ARHGEF11: variants seen among roughly 807,000 people sequenced by gnomAD.
The protein encoded by ARHGEF11 is Rho guanine nucleotide exchange factor 11.
In ARHGEF11, 55 loss-of-function variants were observed where a neutral mutation model predicts 193.7. The ratio of observed to expected loss-of-function variants is 0.28; its 90% CI spans 0.23 to 0.36. The LOEUF (loss-of-function observed/expected upper bound fraction) is 0.36, where lower values mean the gene tolerates loss of function less well. Among genes scored for constraint, ARHGEF11 ranks in the 10% least tolerant of loss-of-function variants. ARHGEF11 has a pLI of 1.00. For synonymous variants in ARHGEF11, 693 were observed against 768.0 expected (o/e 0.90, Z 1.62); for missense variants, 1,723 against 2,005.6 (o/e 0.86, Z 2.69).
intron 6 of ARHGEF11, among the ~76,000 whole-genome samples, chr1:156,977,763 T>C (rs1663465111): frequency 6.6e-6 from 1 of 152,158 alleles, no homozygotes; most frequent in Non-Finnish European, 1.5e-5. Context: ...GAGTGGGCTC[T>C]ATATTTTGCA....
At chr1:156,941,297 C>A (rs757889841) in intron 35 of ARHGEF11, 75 bp downstream of exon 35, 46 of 1,440,014 alleles carry the variant, frequency 3.2e-5, no homozygotes, top group Non-Finnish European at 4.2e-5. Flanking sequence ...TCCCATCGCC[C>A]CCATACTCAC....
chr1:156,939,373 G>T, intron 37 of ARHGEF11, 175 bp downstream of exon 37: 1 of 832,322 alleles, frequency 1.2e-6, no homozygotes, highest in Non-Finnish European at 1.9e-6. Context: ...AATCTCGAAT[G>T]TCCAACTCCA....
At chr1:156,991,631 TTA>T (rs1397608155) in intron 1 of ARHGEF11, among the ~76,000 whole-genome samples, 1 of 150,982 alleles carries the variant, frequency 6.6e-6, no homozygotes, top group Non-Finnish European at 1.5e-5. Flanking sequence ...TAATCTGTTT[TTA>T]TGTTATCAAT....
intron 22 of ARHGEF11, among the ~76,000 whole-genome samples, chr1:156,950,248 C>A (rs1251475944): frequency 3.3e-5 from 5 of 152,116 alleles, no homozygotes; most frequent in Admixed American, 3.3e-4. Context: ...TCTTTTAACA[C>A]GTGTTAAGCT....
intron 11 of ARHGEF11, among the ~76,000 whole-genome samples, chr1:156,964,176 CTG>C (rs575470364): frequency 3.9e-4 from 59 of 152,326 alleles, no homozygotes; most frequent in African/African-American, 1.4e-3. Flanking sequence ...GCTCAAGAAT[CTG>C]TGTTAGATCC....
Position 156,972,132 on chromosome 1 carries a change from C to T in ARHGEF11, c.583-316G>A, listed in dbSNP as rs551640166. 1.1e-3 allele frequency among the ~76,000 whole-genome samples: 170 copies of T among 152,294 alleles called. 2 individuals are homozygous for T. Among genetic ancestry groups the T allele is most frequent in the Admixed American group, 2.9e-3 (44 of 15,294 alleles). On this transcript the variant is annotated intron_variant, in intron 7 of 40. Coordinates refer to ENST00000368194, the MANE Select transcript of ARHGEF11 (RefSeq NM_198236.3). The stretch of plus-strand genomic sequence containing the variant: ...AATGAGGCCTTCTTCAGCTACCACT[C>T]AAGTATGAAATATTTGATTGTCCAG...
intron 1 of ARHGEF11, among the ~76,000 whole-genome samples, chr1:157,020,412 C>T (rs932091011): frequency 9.2e-5 from 14 of 152,260 alleles, no homozygotes; most frequent in African/African-American, 3.4e-4. Flanking sequence ...CAGGTACTCG[C>T]TCTTTTTAGT....
intron 1 of ARHGEF11, among the ~76,000 whole-genome samples, chr1:157,005,202 T>G (rs546381903): frequency 6.6e-6 from 1 of 152,356 alleles, no homozygotes; most frequent in Non-Finnish European, 1.5e-5. Context: ...GCAGTGGATT[T>G]GCTCAGCTTG....
At chr1:156,956,293 T>G in intron 19 of ARHGEF11, 127 bp downstream of exon 19, 1 of 997,936 alleles carries the variant, frequency 1.0e-6, no homozygotes, top group South Asian at 1.5e-5. Flanking sequence ...ATTTTTGTAT[T>G]TTAATAGAGA....
chr1:157,023,241 T>C (rs1398992810), intron 1 of ARHGEF11, among the ~76,000 whole-genome samples: 1 of 152,218 alleles, frequency 6.6e-6, no homozygotes, highest in Non-Finnish European at 1.5e-5. Flanking sequence ...CATATGTCTC[T>C]GACAAGGGTC....
intron 1 of ARHGEF11, among the ~76,000 whole-genome samples, chr1:157,033,592 G>A (rs1439133829): frequency 6.6e-6 from 1 of 152,102 alleles, no homozygotes; most frequent in Non-Finnish European, 1.5e-5. Flanking sequence ...ATCTTCCACT[G>A]CCCTCAGGAT....
Position 157,018,209 on chromosome 1 carries a change from G to GT in ARHGEF11, c.32+26089dup, listed in dbSNP as rs1275036440. 7.2e-5 allele frequency among the ~76,000 whole-genome samples: 11 copies of GT among 152,188 alleles called. No homozygotes were observed. The South Asian group carries it at 1.2e-3, about 17-fold the overall frequency. On this transcript the variant is annotated intron_variant, in intron 1 of 40. Coordinates refer to ENST00000368194, the MANE Select transcript of ARHGEF11 (RefSeq NM_198236.3). ...ACCTAAATAAAAGAAGAAATACATGGTATTTATAGACTGACAAACTGAATG... is the reference window on the plus strand; with the variant it reads ...ACCTAAATAAAAGAAGAAATACATGGTTATTTATAGACTGACAAACTGAATG...
rs1338299585 is a variant in ARHGEF11 at position 156,954,878 on chromosome 1, A to G, written c.1798+14T>C. On this transcript the variant is annotated intron_variant, in intron 21 of 40. Transcript: ENST00000368194. ...CTAATGCAAAGACAAACCCAAATAA[A>G]ATGGTCCTTTTACCTTCCACAGGGG... 1 of 1,605,706 alleles carries G rather than the reference A, an allele frequency of 6.2e-7. No individual in the cohort carries two copies. Among genetic ancestry groups the G allele is most frequent in the South Asian group, 1.1e-5 (1 of 88,966 alleles).
At chr1:157,043,767 G>A (rs1673038856) in intron 1 of ARHGEF11, among the ~76,000 whole-genome samples, 1 of 152,198 alleles carries the variant, frequency 6.6e-6, no homozygotes, top group South Asian at 2.1e-4. Context: ...ACTTGCATGG[G>A]TGCAAAGGAT....
intron 32 of ARHGEF11, among the ~76,000 whole-genome samples, chr1:156,943,604 T>C (rs1657524961): frequency 6.6e-6 from 1 of 152,234 alleles, no homozygotes; most frequent in Non-Finnish European, 1.5e-5. Flanking sequence ...CAGAAAGGCT[T>C]GTCCTACTCA....
At chr1:156,989,874 C>T (rs1665470196) in intron 1 of ARHGEF11, among the ~76,000 whole-genome samples, 2 of 152,168 alleles carry the variant, frequency 1.3e-5, no homozygotes, top group Non-Finnish European at 2.9e-5. Context: ...TATGTTTATA[C>T]ATTTTTTCTC....
chr1:157,018,730 T>C (rs1295633298), intron 1 of ARHGEF11, among the ~76,000 whole-genome samples: 1 of 152,156 alleles, frequency 6.6e-6, no homozygotes, highest in Admixed American at 6.5e-5. Context: ...GAAGACTTGA[T>C]TAACTGATTT....
rs1239017923 is a variant in ARHGEF11 at position 156,988,151 on chromosome 1, T to C, written c.33-1978A>G. Among the ~76,000 whole-genome samples, 10 of 152,284 alleles carry C rather than the reference T, an allele frequency of 6.6e-5. No homozygotes were observed. The East Asian group carries it at 1.5e-3, about 24-fold the overall frequency. ...CACAGCTCCCAGTATCTGTCCTTCC[T>C]GCAGCTCAAATACCCAACTGAAAAT... On this transcript the variant is annotated intron_variant, in intron 1 of 40. Transcript: ENST00000368194.
chr1:156,990,717 T>C (rs1665583373), intron 1 of ARHGEF11, among the ~76,000 whole-genome samples: 1 of 152,130 alleles, frequency 6.6e-6, no homozygotes, highest in African/African-American at 2.4e-5. Context: ...AAGTTTAAAA[T>C]GTTCCAATTT....
Sources: allele counts gnomAD v4.1 joint callset (sites outside exome capture counted in the v4.1 genomes callset), GRCh38; gene constraint gnomAD v4.1.1; transcripts MANE v1.5; gene names NCBI Gene and HGNC (gene_info 2026-07-23, HGNC 2026-07-21).